The following MKRN2OS variants were observed in gnomAD, a reference collection of about 807,000 sequenced individuals.
The protein encoded by MKRN2OS is MKRN2 opposite strand.
Under a neutral mutation model 18.2 loss-of-function variants are expected in MKRN2OS, and 17 were observed. The ratio of observed to expected loss-of-function variants is 0.93; its 90% CI spans 0.64 to 1.40. The LOEUF is 1.40. Among genes scored for constraint, MKRN2OS ranks in the 40% most tolerant of loss-of-function variants. The pLI, the probability that MKRN2OS is intolerant of heterozygous loss-of-function variation, is 0.00. For synonymous variants in MKRN2OS, 121 were observed against 108.5 expected (o/e 1.12, Z -0.72); for missense variants, 337 against 283.0 (o/e 1.19, Z -1.37).
rs2125291577 is a variant in MKRN2OS, at chr3:12,545,358, A to G, written c.107T>C (p.Leu36Pro). ...PQCCPLCQQD[L>P]GSRKLEDAPV... is the part of the protein sequence containing the mutation. ...TGCGTCCTCCAGCTTCCTCGAGCCC[A>G]GGTCCTGCTGGCAGAGAGGGCAGCA... Residue 36 changes from leucine to proline, a missense_variant, in exon 1 of 4, where the codon CTG (leucine) becomes CCG (proline). By Grantham distance (98) the Leu-to-Pro change is moderately conservative. Transcript: ENST00000564146. 1 of 1,536,132 alleles carries G rather than the reference A, an allele frequency of 6.5e-7. No individual in the cohort carries two copies. The highest frequency in any genetic ancestry group is 1.2e-5 in the South Asian group (1 of 84,066).
At chr3:12,557,152 T>G in intron 1 of MKRN2OS, 1 of 1,527,286 alleles carries the variant, frequency 6.5e-7, no homozygotes, top group Non-Finnish European at 8.8e-7. Context: ...CCAGCCACCA[T>G]GAGCACCAAG....
At chr3:12,549,572 G>A (rs906941261), upstream of MKRN2OS, among the ~76,000 whole-genome samples, 16 of 152,048 alleles carry the variant, frequency 1.1e-4, no homozygotes, top group African/African-American at 3.9e-4. Flanking sequence ...TTTTGAGACA[G>A]GGTCTTGCTC....
rs762001350 is a variant in MKRN2OS, at chr3:12,540,438, T to G, written c.432-5A>C. 8.5e-6 allele frequency: 13 copies of G among 1,535,952 alleles called. No individual in the cohort carries two copies. The highest frequency in any genetic ancestry group is 2.7e-5 in the African/African-American group (2 of 73,024). ...TTATGGTGGTTGTCTTCATACCTTA[T>G]GGAGGAGAATAAGGGTGTTGAGAAG... On this transcript the variant is annotated splice_polypyrimidine_tract_variant and splice_region_variant and intron_variant, in intron 3 of 3. Transcript: ENST00000564146.
intron 1 of MKRN2OS, among the ~76,000 whole-genome samples, chr3:12,558,555 T>C (rs2058005246): frequency 6.6e-6 from 1 of 152,230 alleles, no homozygotes; most frequent in African/African-American, 2.4e-5. Context: ...AATAATGCTT[T>C]ATAATTGAAT....
chr3:12,548,474 AAAAAAAAAC>A (rs2057904363), upstream of MKRN2OS, among the ~76,000 whole-genome samples: 17 of 29,554 alleles, frequency 5.8e-4, 1 homozygote, highest in African/African-American at 3.0e-3. Flanking sequence ...AAAAAAAAAA[AAAAAAAAAC>A]CAGCCGAGCG....
At chr3:12,549,912 A>C (rs2057916528), upstream of MKRN2OS, among the ~76,000 whole-genome samples, 1 of 152,204 alleles carries the variant, frequency 6.6e-6, no homozygotes, top group African/African-American at 2.4e-5. Context: ...ACTCTCACCT[A>C]GTAGAATGGC....
At chr3:12,543,713 T>A (rs1477198103) in intron 1 of MKRN2OS, among the ~76,000 whole-genome samples, 2 of 149,490 alleles carry the variant, frequency 1.3e-5, no homozygotes, top group African/African-American at 2.6e-5. Context: ...TTGCGAAACC[T>A]CGTCTCTACT....
In MKRN2OS at chr3:12,540,424, G is replaced by C; in HGVS notation, c.441C>G (p.Asp147Glu). 1 of 1,536,158 alleles carries C rather than the reference G, an allele frequency of 6.5e-7. No individual in the cohort carries two copies. The highest frequency in any genetic ancestry group is 8.7e-7 in the Non-Finnish European group (1 of 1,146,920). Residue 147 changes from aspartate (D) to glutamate (E), a missense_variant, in exon 4 of 4, where the codon GAC becomes GAG. Physicochemically the swap from Asp to Glu is conservative, Grantham distance 45. Transcript: ENST00000564146. ...CGTAAGAGTAGCAGTTATGGTGGTT[G>C]TCTTCATACCTTATGGAGGAGAATA... ...SGAWLPHRYE[D>E]NHHNCYSYAL...
intron 1 of MKRN2OS, among the ~76,000 whole-genome samples, chr3:12,544,101 A>T (rs138414412): frequency 6.6e-6 from 1 of 152,066 alleles, no homozygotes; most frequent in Non-Finnish European, 1.5e-5. Context: ...AACCTTTTAC[A>T]TACTTTGGTT....
At chr3:12,554,632 A>G (rs1021275784) in intron 1 of MKRN2OS, among the ~76,000 whole-genome samples, 3 of 152,100 alleles carry the variant, frequency 2.0e-5, no homozygotes, top group African/African-American at 7.2e-5. Flanking sequence ...GAAATAACTT[A>G]TGGCATAGTC....
intron 2 of MKRN2OS, 59 bp from the exon 3 acceptor site, chr3:12,542,081 A>G: frequency 6.8e-7 from 1 of 1,471,212 alleles, no homozygotes; most frequent in East Asian, 2.5e-5. Flanking sequence ...TCTGTGAAAA[A>G]GAGACATCAG....
chr3:12,552,561 A>G (rs567780414), downstream of MKRN2OS, among the ~76,000 whole-genome samples: 384 of 151,118 alleles, frequency 2.5e-3, no homozygotes, highest in Non-Finnish European at 4.7e-3. Context: ...ACAGGCATGC[A>G]CCACCACACC....
downstream of MKRN2OS, among the ~76,000 whole-genome samples, chr3:12,551,386 T>G (rs1167983973): frequency 6.6e-6 from 1 of 151,462 alleles, no homozygotes; most frequent in East Asian, 2.0e-4. Context: ...TTCCAGCTAC[T>G]CGGGAGGCTG....
chr3:12,541,524 A>G (rs2057813057), intron 3 of MKRN2OS, among the ~76,000 whole-genome samples: 1 of 151,848 alleles, frequency 6.6e-6, no homozygotes, highest in Non-Finnish European at 1.5e-5. Flanking sequence ...CAGCCTGAAT[A>G]TTGTTTTTTT....
At chr3:12,545,221 A>T (rs769965242) in intron 1 of MKRN2OS, 26 bp downstream of exon 1, 16 of 1,489,546 alleles carry the variant, frequency 1.1e-5, no homozygotes, top group Admixed American at 6.2e-5. Flanking sequence ...GCACAATGCA[A>T]TTTAACACTG....
chr3:12,559,279 T>G (rs2058014675), intron 1 of MKRN2OS, among the ~76,000 whole-genome samples: 1 of 152,238 alleles, frequency 6.6e-6, no homozygotes. Flanking sequence ...CATCAACTTT[T>G]CTACCAGCTT....
intron 1 of MKRN2OS, among the ~76,000 whole-genome samples, chr3:12,560,298 C>T (rs1283665450): frequency 6.6e-6 from 1 of 152,034 alleles, no homozygotes; most frequent in Non-Finnish European, 1.5e-5. Flanking sequence ...ACATAGCAAG[C>T]AGTCTGACTT....
At chr3:12,552,397 AT>A (rs947992368), downstream of MKRN2OS, among the ~76,000 whole-genome samples, 7 of 144,960 alleles carry the variant, frequency 4.8e-5, no homozygotes, top group South Asian at 1.0e-3. Context: ...AGATATTTTA[AT>A]TTTTTTTAAT....
intron 1 of MKRN2OS, chr3:12,557,047 C>CGGCGTGCGCA: frequency 7.9e-7 from 1 of 1,265,088 alleles, no homozygotes; most frequent in Non-Finnish European, 1.0e-6. Flanking sequence ...CGGCGTGCGC[C>CGGCGTGCGCA]GGCGTGACGC....
Sources: gnomAD v4.1 joint callset for allele counts (sites outside exome capture counted in the v4.1 genomes callset) on GRCh38, gnomAD v4.1.1 for gene constraint, MANE v1.5 for transcripts, NCBI Gene and HGNC (gene_info 2026-07-23, HGNC 2026-07-21) for gene names.